Variants in PPARGC1A observed in about 807,000 individuals in gnomAD.
PPARGC1A encodes PPARG coactivator 1 alpha.
PPARGC1A carries 25 observed loss-of-function variants against 88.7 expected under a neutral mutation model. The observed-to-expected ratio is 0.28, with a 90% CI of 0.21 to 0.39. The LOEUF (loss-of-function observed/expected upper bound fraction) is 0.39, where lower values mean the gene tolerates loss of function less well. Among genes scored for constraint, PPARGC1A ranks in the 10% least tolerant of loss-of-function variants. PPARGC1A has a pLI of 1.00. For synonymous variants in PPARGC1A, 363 were observed against 355.6 expected, an observed-to-expected ratio of 1.02 and a Z score of -0.24; for missense variants, 880 against 968.7, an observed-to-expected ratio of 0.91 and a Z score of 1.22.
At chr4:24,271,357 C>G in the PPARGC1A span, among the ~76,000 whole-genome samples, 1 of 141,448 alleles carries the variant, frequency 7.1e-6, no homozygotes, top group East Asian at 2.1e-4. Context: ...TGGAGTCATT[C>G]TTCCAGGATT....
the PPARGC1A span, among the ~76,000 whole-genome samples, chr4:24,441,262 A>G: frequency 8.5e-5 from 13 of 152,158 alleles, no homozygotes; most frequent in Admixed American, 2.0e-4. Flanking sequence ...TGCTTACGAA[A>G]TGATAGCTTC....
At chr4:24,178,888 C>T in the PPARGC1A span, among the ~76,000 whole-genome samples, 1 of 152,270 alleles carries the variant, frequency 6.6e-6, no homozygotes, top group East Asian at 1.9e-4. Flanking sequence ...TTTGGGTAAA[C>T]TCATATATCA....
the PPARGC1A span, among the ~76,000 whole-genome samples, chr4:24,040,807 A>G: frequency 6.6e-6 from 1 of 152,178 alleles, no homozygotes; most frequent in African/African-American, 2.4e-5. Flanking sequence ...ATGTGCTCAT[A>G]TGCTATCTCC....
At chr4:24,162,002 A>G in the PPARGC1A span, among the ~76,000 whole-genome samples, 1 of 144,682 alleles carries the variant, frequency 6.9e-6, no homozygotes, top group Admixed American at 6.9e-5. Context: ...ACACACACAC[A>G]CACACACACA....
At chr4:23,933,007 T>C in the PPARGC1A span, among the ~76,000 whole-genome samples, 888 of 152,270 alleles carry the variant, frequency 5.8e-3, 46 homozygotes, top group East Asian at 0.096. Flanking sequence ...GTGGTGACTC[T>C]AGTGGTATAA....
the PPARGC1A span, among the ~76,000 whole-genome samples, chr4:24,137,104 ACT>A: frequency 2.1e-5 from 3 of 144,576 alleles, no homozygotes; most frequent in South Asian, 6.7e-4. Context: ...ACACAGCGAG[ACT>A]CTGTCTCAAA....
At chr4:24,138,411 C>T in the PPARGC1A span, among the ~76,000 whole-genome samples, 2 of 152,148 alleles carry the variant, frequency 1.3e-5, no homozygotes, top group Admixed American at 6.5e-5. Flanking sequence ...TTAGAAGCTG[C>T]CTTAGATACA....
At chr4:23,892,760 C>A (rs1718039135), upstream of PPARGC1A, among the ~76,000 whole-genome samples, 1 of 152,114 alleles carries the variant, frequency 6.6e-6, no homozygotes, top group Admixed American at 6.5e-5. Context: ...TCTATTGAAA[C>A]CTTACTGTGT....
At chr4:23,918,721 G>A in the PPARGC1A span, among the ~76,000 whole-genome samples, 10 of 152,140 alleles carry the variant, frequency 6.6e-5, no homozygotes, top group African/African-American at 2.2e-4. Flanking sequence ...ATGGTCCCCT[G>A]TCTATTCTAA....
the PPARGC1A span, among the ~76,000 whole-genome samples, chr4:24,024,266 T>C: frequency 6.6e-6 from 1 of 152,172 alleles, no homozygotes; most frequent in African/African-American, 2.4e-5. Context: ...ATCCTCCCCA[T>C]GAGCACACTT....
At chr4:24,461,482 G>C in the PPARGC1A span, among the ~76,000 whole-genome samples, 2 of 152,198 alleles carry the variant, frequency 1.3e-5, no homozygotes, top group Non-Finnish European at 2.9e-5. Context: ...AAAGAAAGAG[G>C]GAGAGACAGA....
At chr4:23,941,167 T>C in the PPARGC1A span, among the ~76,000 whole-genome samples, 1 of 152,158 alleles carries the variant, frequency 6.6e-6, no homozygotes, top group Non-Finnish European at 1.5e-5. Flanking sequence ...TCCTCCCACC[T>C]TAGCCTCCCA....
At chr4:24,116,990 C>A in the PPARGC1A span, among the ~76,000 whole-genome samples, 6 of 151,476 alleles carry the variant, frequency 4.0e-5, no homozygotes, top group Non-Finnish European at 5.9e-5. Context: ...AAACAAAAAA[C>A]AACAACCACA....
chr4:24,135,576 A>G, the PPARGC1A span, among the ~76,000 whole-genome samples: 1 of 152,126 alleles, frequency 6.6e-6, no homozygotes, highest in Non-Finnish European at 1.5e-5. Context: ...CTAAAGGGTA[A>G]CACTAGTAGA....
At chr4:24,083,865 C>T in the PPARGC1A span, among the ~76,000 whole-genome samples, 3 of 152,178 alleles carry the variant, frequency 2.0e-5, no homozygotes, top group Non-Finnish European at 4.4e-5. Context: ...CATCTTATTT[C>T]GTTTTTGTCC....
At chr4:24,182,898 G>C in the PPARGC1A span, among the ~76,000 whole-genome samples, 1 of 152,158 alleles carries the variant, frequency 6.6e-6, no homozygotes, top group Admixed American at 6.6e-5. Flanking sequence ...AACACACCAG[G>C]CTGTCCTGCG....
At chr4:24,369,600 CAGAG>C in the PPARGC1A span, among the ~76,000 whole-genome samples, 1 of 151,942 alleles carries the variant, frequency 6.6e-6, no homozygotes, top group Non-Finnish European at 1.5e-5. Context: ...CAGGGTCACA[CAGAG>C]AAAGAAATAT....
At chr4:23,856,158 A>G (rs189150587) in intron 2 of PPARGC1A, among the ~76,000 whole-genome samples, 1 of 152,292 alleles carries the variant, frequency 6.6e-6, no homozygotes, top group Admixed American at 6.5e-5. Context: ...CTCCCACAGT[A>G]TATACTTGAG....
chr4:24,130,399 CA>C, the PPARGC1A span, among the ~76,000 whole-genome samples: 1 of 152,140 alleles, frequency 6.6e-6, no homozygotes, highest in African/African-American at 2.4e-5. Context: ...TGGCTTTTAA[CA>C]AACAATGTTC....
Sources: allele counts gnomAD v4.1 joint callset (sites outside exome capture counted in the v4.1 genomes callset), GRCh38; gene constraint gnomAD v4.1.1; transcripts MANE v1.5; gene names NCBI Gene and HGNC (gene_info 2026-07-23, HGNC 2026-07-21).